Variants in CLEC4C observed in about 807,000 individuals in gnomAD.
CLEC4C encodes the protein C-type lectin domain family 4 member C.
CLEC4C carries 17 observed loss-of-function variants against 27.7 expected under a neutral mutation model. The ratio of observed to expected loss-of-function variants is 0.61; its 90% CI spans 0.42 to 0.92. CLEC4C has a LOEUF of 0.92. Ranked by LOEUF, CLEC4C falls within the 40% of genes least tolerant of loss-of-function variation. The probability of loss-of-function intolerance (pLI) is 0.00; values close to 1 mark genes in which losing one functional copy is unlikely to be tolerated. For missense variants in CLEC4C, 244 were observed against 257.3 expected, an observed-to-expected ratio of 0.95 and a Z score of 0.35; for synonymous variants, 80 against 80.8, an observed-to-expected ratio of 0.99 and a Z score of 0.06.
At chr12:7,737,294 T>C in intron 4 of CLEC4C, 135 bp downstream of exon 4, 1 of 728,654 alleles carries the variant, frequency 1.4e-6, no homozygotes, top group Non-Finnish European at 2.1e-6. Context: ...TCCTGTGTTT[T>C]TTGTTTTTTG....
chr12:7,732,795 T>C (rs1252507438), intron 4 of CLEC4C, among the ~76,000 whole-genome samples: 1 of 151,288 alleles, frequency 6.6e-6, no homozygotes, highest in Admixed American at 6.6e-5. Context: ...ACCCCGTCTC[T>C]ACCAAAATAC....
chr12:7,733,668 A>T (rs1422304253), intron 4 of CLEC4C, among the ~76,000 whole-genome samples: 1 of 150,964 alleles, frequency 6.6e-6, no homozygotes, highest in Non-Finnish European at 1.5e-5. Flanking sequence ...TTTTTAGTAG[A>T]GACGGGGTTT....
At chr12:7,741,306 T>C in intron 3 of CLEC4C, 115 bp downstream of exon 3, 1 of 665,070 alleles carries the variant, frequency 1.5e-6, no homozygotes, top group South Asian at 1.7e-5. Flanking sequence ...AGTTAAAGAA[T>C]GCAGTAGGAA....
intron 3 of CLEC4C, 50 bp downstream of exon 3, chr12:7,741,371 G>T: frequency 9.9e-7 from 1 of 1,010,278 alleles, no homozygotes; most frequent in Non-Finnish European, 1.6e-6. Flanking sequence ...ATCAGACTAG[G>T]AATTTGATTA....
chr12:7,737,908 G>C (rs958015479), intron 3 of CLEC4C, among the ~76,000 whole-genome samples: 2 of 152,130 alleles, frequency 1.3e-5, no homozygotes, highest in Admixed American at 6.6e-5. Context: ...CATGAGTATG[G>C]CAATAAAATG....
At chr12:7,736,422 T>C (rs765919771) in intron 4 of CLEC4C, among the ~76,000 whole-genome samples, 1 of 152,146 alleles carries the variant, frequency 6.6e-6, no homozygotes, top group Non-Finnish European at 1.5e-5. Context: ...ATGCAGAGGA[T>C]ACAGTATGAA....
In CLEC4C at chr12:7,746,213, CAAAAAAAAAAAA is replaced by C. The variant is rs932573091; in HGVS notation, c.124+106_124+117del. On this transcript the variant is annotated intron_variant, in intron 2 of 5. Coordinates refer to ENST00000360345, the MANE Select transcript of CLEC4C (RefSeq NM_001371390.1). Reference sequence around the variant, plus strand: ...TGGGCGACAGAGCGAGATTCCGTCTCAAAAAAAAAAAAAAAAAAAAGAAAAAAAAAGAAAGAG... The same window carrying C: ...TGGGCGACAGAGCGAGATTCCGTCTCAAAAAAAAGAAAAAAAAAGAAAGAG... The C allele has an allele frequency of 1.8e-3, 744 of 414,934 alleles. 5 individuals carry two copies. The African/African-American group carries it at 0.022, about 12-fold the overall frequency. 25.7% of individuals were successfully genotyped at this position (414,934 alleles called of 1,614,324 possible).
intron 5 of CLEC4C, 96 bp from the exon 6 acceptor site, chr12:7,729,836 A>G: frequency 8.8e-7 from 1 of 1,137,040 alleles, no homozygotes; most frequent in Non-Finnish European, 1.3e-6. Context: ...GCGAAAGTCA[A>G]GGTCACGTCT....
intron 2 of CLEC4C, among the ~76,000 whole-genome samples, chr12:7,745,623 G>A (rs2120441709): frequency 6.6e-6 from 1 of 151,358 alleles, no homozygotes; most frequent in Admixed American, 6.6e-5. Context: ...AGTAGAGACA[G>A]GGTTTCACTA....
intron 3 of CLEC4C, 97 bp from the exon 4 acceptor site, chr12:7,737,671 C>T: frequency 8.5e-7 from 1 of 1,180,518 alleles, no homozygotes; most frequent in Non-Finnish European, 1.2e-6. Flanking sequence ...TTAGTTTTCA[C>T]CTATGGATCT....
chr12:7,748,917 T>G (rs889275557), upstream of CLEC4C, among the ~76,000 whole-genome samples: 3 of 152,222 alleles, frequency 2.0e-5, no homozygotes, highest in African/African-American at 4.8e-5. Flanking sequence ...CAGAATGCTT[T>G]GAGTATGACC....
At chr12:7,748,047 C>T (rs771510048), upstream of CLEC4C, among the ~76,000 whole-genome samples, 2 of 151,944 alleles carry the variant, frequency 1.3e-5, no homozygotes, top group Non-Finnish European at 2.9e-5. Flanking sequence ...TGTGAGCCAC[C>T]ACGTGCCCGG....
At chr12:7,736,042 G>A (rs959553504) in intron 4 of CLEC4C, among the ~76,000 whole-genome samples, 1 of 152,138 alleles carries the variant, frequency 6.6e-6, no homozygotes, top group African/African-American at 2.4e-5. Flanking sequence ...CCAGAACTTT[G>A]GGAGGCCGAG....
At chr12:7,739,127 T>C (rs1422835296) in intron 3 of CLEC4C, among the ~76,000 whole-genome samples, 1 of 152,048 alleles carries the variant, frequency 6.6e-6, no homozygotes, top group Non-Finnish European at 1.5e-5. Context: ...CATTCTTTTT[T>C]TTTGAGATGG....
chr12:7,737,120 A>G (rs1864744756), intron 4 of CLEC4C, among the ~76,000 whole-genome samples: 1 of 151,692 alleles, frequency 6.6e-6, no homozygotes, highest in South Asian at 2.1e-4. Flanking sequence ...CCTCCCAGCT[A>G]CTTGGGAGGC....
At chr12:7,730,365 G>A (rs1024771854) in intron 5 of CLEC4C, among the ~76,000 whole-genome samples, 5 of 152,168 alleles carry the variant, frequency 3.3e-5, no homozygotes, top group African/African-American at 1.2e-4. Flanking sequence ...AAATGGCCGG[G>A]GATGGTGGCT....
In CLEC4C at chr12:7,746,363, A is replaced by T; in HGVS notation, c.92T>A (p.Leu31His). 1 of 1,613,882 alleles carries T rather than the reference A, an allele frequency of 6.2e-7. No individual in the cohort carries two copies. The highest frequency in any genetic ancestry group is 1.7e-4 in the Middle Eastern group (1 of 6,060). The change falls in exon 2 of 6, where the codon CTC (leucine) becomes CAC (histidine). Residue 31 changes from leucine (L) to histidine (H), a missense_variant. Physicochemically the swap from Leu to His is moderately conservative, Grantham distance 99. Transcript: ENST00000360345. ...ACTCACAGTGAAACAGACACTGAGG[A>T]GCAAGATGGATACGACTGCCATGGA... ...VWSMAVVSIL[L>H]LSVCFTVSSV...
intron 2 of CLEC4C, among the ~76,000 whole-genome samples, chr12:7,744,881 C>CTGGGA (rs34474034): frequency 0.22 from 33,106 of 151,958 alleles, 4,257 homozygotes; most frequent in Admixed American, 0.31. Context: ...TCCCAAAGTG[C>CTGGGA]TCACAGGTGT....
In CLEC4C at chr12:7,739,677, TTTTA is replaced by T. The variant is rs1453112809; in HGVS notation, c.235+1740_235+1743del. ...ACCATCAATAAAGCTGATAATTTTA[TTTTA>T]TTTATTATCTTTTTTTTAGACAGGG... On this transcript the variant is annotated intron_variant, in intron 3 of 5. Coordinates refer to ENST00000360345, the MANE Select transcript of CLEC4C (RefSeq NM_001371390.1). 4.5e-3 allele frequency among the ~76,000 whole-genome samples: 654 copies of T among 146,330 alleles called. 5 individuals carry two copies. Among genetic ancestry groups the T allele is most frequent in the African/African-American group, 0.015 (611 of 41,062 alleles).
Sources: allele counts gnomAD v4.1 joint callset (sites outside exome capture counted in the v4.1 genomes callset), GRCh38; gene constraint gnomAD v4.1.1; transcripts MANE v1.5; gene names NCBI Gene and HGNC (gene_info 2026-07-23, HGNC 2026-07-21).